Variants in AKAP19 observed in about 807,000 individuals in gnomAD.
AKAP19 encodes the protein small A-kinase anchoring protein.
chr2:189,992,486 G>T, the AKAP19 span, among the ~76,000 whole-genome samples: 1 of 152,010 alleles, frequency 6.6e-6, no homozygotes, highest in Non-Finnish European at 1.5e-5. Context: ...TTTTTGCTTA[G>T]TCTTGCTTTA....
At chr2:189,986,477 C>T in the AKAP19 span, among the ~76,000 whole-genome samples, 2 of 151,606 alleles carry the variant, frequency 1.3e-5, no homozygotes, top group African/African-American at 4.8e-5. Flanking sequence ...AGGCATACTG[C>T]TAACCTGACT....
At chr2:189,952,652 C>T in the AKAP19 span, among the ~76,000 whole-genome samples, 1 of 152,166 alleles carries the variant, frequency 6.6e-6, no homozygotes, top group African/African-American at 2.4e-5. Flanking sequence ...TATTCTGTTA[C>T]AGTTGCTTTT....
the AKAP19 span, among the ~76,000 whole-genome samples, chr2:190,061,402 G>T: frequency 3.3e-5 from 5 of 151,948 alleles, no homozygotes; most frequent in Non-Finnish European, 7.4e-5. Flanking sequence ...TTATCTGTCA[G>T]AAGCAGTGTA....
the AKAP19 span, among the ~76,000 whole-genome samples, chr2:189,944,115 G>T: frequency 6.6e-6 from 1 of 152,112 alleles, no homozygotes; most frequent in Non-Finnish European, 1.5e-5. Context: ...ATAAGATTTG[G>T]GAGAGGCCGG....
At chr2:190,173,293 A>T in the AKAP19 span, among the ~76,000 whole-genome samples, 1 of 152,146 alleles carries the variant, frequency 6.6e-6, no homozygotes, top group Non-Finnish European at 1.5e-5. Flanking sequence ...ATTCGTACAT[A>T]GATAGTTTCT....
chr2:189,935,201 A>G, the AKAP19 span, among the ~76,000 whole-genome samples: 1 of 152,022 alleles, frequency 6.6e-6, no homozygotes, highest in African/African-American at 2.4e-5. Flanking sequence ...GTTTTGGCAT[A>G]TTGTTGCTTG....
At chr2:190,056,863 T>G in the AKAP19 span, 5,890 of 214,186 alleles carry the variant, frequency 0.027, 382 homozygotes, top group African/African-American at 0.13. Context: ...CAATCCTGCA[T>G]TTTACCAATA....
chr2:190,173,647 C>G, the AKAP19 span, among the ~76,000 whole-genome samples: 1 of 152,190 alleles, frequency 6.6e-6, no homozygotes, highest in African/African-American at 2.4e-5. Context: ...GGGAAGCTCA[C>G]CATTTCACAA....
At chr2:189,978,353 G>T in the AKAP19 span, among the ~76,000 whole-genome samples, 1 of 152,140 alleles carries the variant, frequency 6.6e-6, no homozygotes, top group Non-Finnish European at 1.5e-5. Context: ...GGGCATGGTG[G>T]CTCATGCCTG....
chr2:190,150,750 C>T, the AKAP19 span, among the ~76,000 whole-genome samples: 1 of 144,966 alleles, frequency 6.9e-6, no homozygotes, highest in African/African-American at 2.5e-5. Context: ...AGAGGAGATC[C>T]TCCCATGATC....
the AKAP19 span, among the ~76,000 whole-genome samples, chr2:189,965,994 A>G: frequency 6.6e-6 from 1 of 152,122 alleles, no homozygotes; most frequent in Non-Finnish European, 1.5e-5. Context: ...ATATGATGGT[A>G]TACTACTCAG....
At chr2:190,112,845 T>A in the AKAP19 span, among the ~76,000 whole-genome samples, 1 of 152,174 alleles carries the variant, frequency 6.6e-6, no homozygotes, top group Non-Finnish European at 1.5e-5. Flanking sequence ...GTGTGAAGAC[T>A]ATACTAGCAC....
At chr2:190,181,179 T>G in the AKAP19 span, 2 of 976,688 alleles carry the variant, frequency 2.0e-6, no homozygotes, top group Non-Finnish European at 2.4e-6. Context: ...TTGTCAGCTG[T>G]GCCTTTTAGA....
chr2:189,940,205 G>A, the AKAP19 span, among the ~76,000 whole-genome samples: 1 of 151,834 alleles, frequency 6.6e-6, no homozygotes, highest in African/African-American at 2.4e-5. Flanking sequence ...CATGAACCCA[G>A]GAGGCGGAGT....
At chr2:190,195,544 C>T in the AKAP19 span, among the ~76,000 whole-genome samples, 1 of 152,182 alleles carries the variant, frequency 6.6e-6, no homozygotes, top group African/African-American at 2.4e-5. Flanking sequence ...TATGTGCCAC[C>T]TATATGTAAG....
At chr2:190,038,005 G>C in the AKAP19 span, among the ~76,000 whole-genome samples, 1 of 152,186 alleles carries the variant, frequency 6.6e-6, no homozygotes, top group Admixed American at 6.5e-5. Flanking sequence ...ATTTGGAGCA[G>C]AGAAGCTTTG....
the AKAP19 span, among the ~76,000 whole-genome samples, chr2:190,007,321 C>T: frequency 3.9e-5 from 6 of 152,304 alleles, no homozygotes; most frequent in East Asian, 5.8e-4. Flanking sequence ...TCATAACATC[C>T]GTTCTCTCAC....
the AKAP19 span, chr2:190,200,047 C>T: frequency 1.2e-6 from 2 of 1,614,114 alleles, no homozygotes; most frequent in Admixed American, 1.7e-5. Flanking sequence ...GGAATATGCA[C>T]ACCGCCTGTC....
At chr2:190,021,731 A>G in the AKAP19 span, among the ~76,000 whole-genome samples, 4 of 152,144 alleles carry the variant, frequency 2.6e-5, no homozygotes, top group Non-Finnish European at 5.9e-5. Flanking sequence ...CATTTGTATA[A>G]CTGAAACTCT....
Sources: gnomAD v4.1 joint callset for allele counts (sites outside exome capture counted in the v4.1 genomes callset) on GRCh38, gnomAD v4.1.1 for gene constraint, MANE v1.5 for transcripts, NCBI Gene and HGNC (gene_info 2026-07-23, HGNC 2026-07-21) for gene names.